The following ILRUN variants were observed in gnomAD, a reference collection of about 807,000 sequenced individuals.
ILRUN encodes protein ILRUN.
In ILRUN, 3 loss-of-function variants were observed where a neutral mutation model predicts 33.8. That is an observed-to-expected ratio of 0.09 (90% confidence interval 0.04 to 0.23). ILRUN has a LOEUF of 0.23. Among genes scored for constraint, ILRUN ranks in the 10% least tolerant of loss-of-function variants. The pLI is 1.00. For synonymous variants in ILRUN, 124 were observed against 138.9 expected (o/e 0.89, Z 0.75); for missense variants, 210 against 375.1 (o/e 0.56, Z 3.64).
intron 3 of ILRUN, among the ~76,000 whole-genome samples, chr6:34,640,951 T>C (rs992887827): frequency 6.6e-6 from 1 of 150,580 alleles, no homozygotes; most frequent in Non-Finnish European, 1.5e-5. Flanking sequence ...TGGTGGCACA[T>C]GCCTGTAATC....
chr6:34,594,846 G>C (rs1031492871), intron 4 of ILRUN, among the ~76,000 whole-genome samples: 5 of 152,216 alleles, frequency 3.3e-5, no homozygotes, highest in African/African-American at 9.7e-5. Flanking sequence ...ACTACTGCAA[G>C]CAAGCCATTA....
intron 3 of ILRUN, among the ~76,000 whole-genome samples, chr6:34,620,938 T>G (rs1005967771): frequency 2.0e-5 from 3 of 152,218 alleles, no homozygotes; most frequent in Non-Finnish European, 4.4e-5. Flanking sequence ...AGGGAAGACA[T>G]ACACAACAAA....
chr6:34,683,655 T>C (rs1403650203), intron 1 of ILRUN, among the ~76,000 whole-genome samples: 1 of 151,596 alleles, frequency 6.6e-6, no homozygotes, highest in Non-Finnish European at 1.5e-5. Flanking sequence ...TTCTCATCTT[T>C]AGTACAGGGG....
In ILRUN at chr6:34,587,842, C is replaced by T. The variant is rs1582023430; in HGVS notation, c.*2723G>A. 2.6e-6 allele frequency: 1 copy of T among 390,528 alleles called. No homozygotes were observed. The highest frequency in any genetic ancestry group is 3.6e-5 in the East Asian group (1 of 27,618). 24.2% of individuals were successfully genotyped at this position (390,528 alleles called of 1,614,324 possible). ...ACTCCATGCACACTGACAGATTCTT[C>T]CCAAGTCTGAACCCCTCTGTCTCCC... On this transcript the variant is annotated 3_prime_UTR_variant, in exon 5 of 5. Coordinates refer to ENST00000374023, the MANE Select transcript of ILRUN (RefSeq NM_024294.4).
chr6:34,638,997 A>G (rs1301575567), intron 3 of ILRUN, among the ~76,000 whole-genome samples: 1 of 152,224 alleles, frequency 6.6e-6, no homozygotes, highest in Admixed American at 6.5e-5. Flanking sequence ...TTCTTTTGTA[A>G]CATGATGTTA....
intron 1 of ILRUN, among the ~76,000 whole-genome samples, chr6:34,655,869 C>A (rs1384503448): frequency 6.6e-6 from 1 of 151,858 alleles, no homozygotes; most frequent in African/African-American, 2.4e-5. Flanking sequence ...GGATTTCTCC[C>A]ATCTAATAGG....
At chr6:34,635,143 G>A (rs1345995642) in intron 3 of ILRUN, among the ~76,000 whole-genome samples, 1 of 151,932 alleles carries the variant, frequency 6.6e-6, no homozygotes, top group African/African-American at 2.4e-5. Context: ...AAAATAAAAC[G>A]TAAAAATGAC....
At position 34,671,143 on chromosome 6, in the gene ILRUN, G is replaced by A. The variant is rs373491875; in HGVS notation, c.159-16364C>T. On this transcript the variant is annotated intron_variant, in intron 1 of 4. Coordinates refer to ENST00000374023, the MANE Select transcript of ILRUN (RefSeq NM_024294.4). ...AGTGAAAGCACAGAGGCTGGGGTCC[G>A]GGCGTGTAATCCCACCACTTTGGGA... 1.2e-4 allele frequency among the ~76,000 whole-genome samples: 18 copies of A among 151,952 alleles called. No individual in the cohort carries two copies. The East Asian group carries it at 1.8e-3, about 15-fold the overall frequency.
At chr6:34,678,308 T>C (rs1763282708) in intron 1 of ILRUN, among the ~76,000 whole-genome samples, 1 of 152,190 alleles carries the variant, frequency 6.6e-6, no homozygotes, top group African/African-American at 2.4e-5. Context: ...CCCAAAGTGC[T>C]GGGATATCAG....
At chr6:34,650,054 T>A (rs1046728579) in intron 2 of ILRUN, among the ~76,000 whole-genome samples, 1 of 151,988 alleles carries the variant, frequency 6.6e-6, no homozygotes, top group African/African-American at 2.4e-5. Flanking sequence ...CCCTCTCATA[T>A]GACAATCACA....
At chr6:34,669,158 C>T (rs1347015440) in intron 1 of ILRUN, among the ~76,000 whole-genome samples, 1 of 151,530 alleles carries the variant, frequency 6.6e-6, no homozygotes, top group East Asian at 1.9e-4. Context: ...CAGTCTCATT[C>T]TGTTGCCCAG....
intron 1 of ILRUN, among the ~76,000 whole-genome samples, chr6:34,656,369 T>C (rs1383726280): frequency 6.6e-6 from 1 of 151,760 alleles, no homozygotes; most frequent in Non-Finnish European, 1.5e-5. Flanking sequence ...TAAGCCAGAG[T>C]TCCCAACTGA....
At chr6:34,594,878 A>G (rs1387538347) in intron 4 of ILRUN, among the ~76,000 whole-genome samples, 2 of 152,026 alleles carry the variant, frequency 1.3e-5, no homozygotes, top group African/African-American at 4.8e-5. Context: ...TCCTAAAATT[A>G]AAAAAAAATT....
Position 34,615,690 on chromosome 6 carries a change from C to T in ILRUN, c.512-8786G>A, listed in dbSNP as rs115724241. Among the ~76,000 whole-genome samples, 1,120 of 152,164 alleles carry T rather than the reference C, an allele frequency of 7.4e-3. 21 individuals carry two copies. The highest frequency in any genetic ancestry group is 0.026 in the African/African-American group (1,064 of 41,506). ...CAAAAGAGAGTGTTTTGATATCAAGCGAGGGGTAGAACAAGGTTGTAGCAG... is the reference window on the plus strand; with the variant it reads ...CAAAAGAGAGTGTTTTGATATCAAGTGAGGGGTAGAACAAGGTTGTAGCAG... On this transcript the variant is annotated intron_variant, in intron 3 of 4. Transcript: ENST00000374023.
intron 3 of ILRUN, among the ~76,000 whole-genome samples, chr6:34,622,537 C>A (rs1327820882): frequency 8.1e-5 from 12 of 149,030 alleles, no homozygotes; most frequent in Admixed American, 8.0e-4. Context: ...ATGGCTACTA[C>A]TAAAAAAAAA....
At chr6:34,611,519 C>T (rs1761753166) in intron 3 of ILRUN, among the ~76,000 whole-genome samples, 1 of 152,096 alleles carries the variant, frequency 6.6e-6, no homozygotes, top group Admixed American at 6.5e-5. Flanking sequence ...ACCTTATATT[C>T]CAGAATGCGT....
intron 4 of ILRUN, among the ~76,000 whole-genome samples, chr6:34,604,841 C>CTATTACTA (rs2127319010): frequency 6.6e-6 from 1 of 152,280 alleles, no homozygotes; most frequent in African/African-American, 2.4e-5. Context: ...ATAAATTAAT[C>CTATTACTA]CTTCATTTAT....
intron 2 of ILRUN, among the ~76,000 whole-genome samples, chr6:34,651,874 C>T (rs1436729763): frequency 6.7e-6 from 1 of 149,108 alleles, no homozygotes; most frequent in East Asian, 2.0e-4. Flanking sequence ...CTCACTACAA[C>T]CTCTGCCTCC....
At chr6:34,639,005 T>C (rs1003190669) in intron 3 of ILRUN, among the ~76,000 whole-genome samples, 1 of 152,176 alleles carries the variant, frequency 6.6e-6, no homozygotes, top group African/African-American at 2.4e-5. Flanking sequence ...TAACATGATG[T>C]TACTAAAACA....
Sources: gnomAD v4.1 joint callset for allele counts (sites outside exome capture counted in the v4.1 genomes callset) on GRCh38, gnomAD v4.1.1 for gene constraint, MANE v1.5 for transcripts, NCBI Gene and HGNC (gene_info 2026-07-23, HGNC 2026-07-21) for gene names.